The following TMEM232 variants were observed in gnomAD, a reference collection of about 807,000 sequenced individuals.
TMEM232 encodes transmembrane protein 232.
Under a neutral mutation model 78.8 loss-of-function variants are expected in TMEM232, and 80 were observed. The ratio of observed to expected loss-of-function variants is 1.01; its 90% CI spans 0.85 to 1.22. The LOEUF (loss-of-function observed/expected upper bound fraction) is 1.22. Ranked by LOEUF, TMEM232 falls within the 50% of genes most tolerant of loss-of-function variation. The pLI is 0.00. For missense variants in TMEM232, 881 were observed against 742.2 expected, an observed-to-expected ratio of 1.19 and a Z score of -2.17; for synonymous variants, 297 against 254.3, an observed-to-expected ratio of 1.17 and a Z score of -1.60.
chr5:110,600,011 C>T (rs1040071718), intron 10 of TMEM232, among the ~76,000 whole-genome samples: 5 of 152,156 alleles, frequency 3.3e-5, no homozygotes, highest in Non-Finnish European at 7.3e-5. Flanking sequence ...AAGAAACTCA[C>T]TGAAAACCAC....
chr5:110,523,984 G>GC (rs1769979693), intron 12 of TMEM232, among the ~76,000 whole-genome samples: 1 of 82,948 alleles, frequency 1.2e-5, no homozygotes, highest in South Asian at 4.9e-4. Flanking sequence ...GGGCGGGGGG[G>GC]CTGGGCCTGG....
chr5:110,569,234 T>G (rs937337677), intron 10 of TMEM232, among the ~76,000 whole-genome samples: 2 of 151,908 alleles, frequency 1.3e-5, no homozygotes, highest in Admixed American at 6.6e-5. Flanking sequence ...AGAACTTATA[T>G]AGCAATTAGC....
chr5:110,423,758 C>T (rs371424178), intron 13 of TMEM232, among the ~76,000 whole-genome samples: 11 of 149,914 alleles, frequency 7.3e-5, no homozygotes, highest in African/African-American at 2.7e-4. Context: ...CCTAGACAGA[C>T]CAAAGTAGTT....
intron 1 of TMEM232, among the ~76,000 whole-genome samples, chr5:110,723,148 C>T (rs985788285): frequency 2.6e-5 from 4 of 152,080 alleles, no homozygotes; most frequent in African/African-American, 9.7e-5. Flanking sequence ...CTGGTACTTT[C>T]TGTTTTGGAA....
rs1385016907 is a variant in TMEM232 at position 110,613,983 on chromosome 5, TTTTG to T, written c.902+4442_902+4445del. On this transcript the variant is annotated intron_variant, in intron 8 of 13. Coordinates refer to ENST00000455884, the MANE Select transcript of TMEM232 (RefSeq NM_001039763.4). ...AAATTATTCTTTTAATGTCAATAGTTTTTGTTTGCTAGAGCCAACTAATCTTTTT... is the reference window on the plus strand; with the variant it reads ...AAATTATTCTTTTAATGTCAATAGTTTTTGCTAGAGCCAACTAATCTTTTT... 2.0e-5 allele frequency among the ~76,000 whole-genome samples: 3 copies of T among 152,076 alleles called. No individual in the cohort carries two copies. The East Asian group carries it at 5.8e-4, about 29-fold the overall frequency.
At chr5:110,622,410 T>C (rs1039129994) in intron 7 of TMEM232, among the ~76,000 whole-genome samples, 1 of 152,206 alleles carries the variant, frequency 6.6e-6, no homozygotes, top group African/African-American at 2.4e-5. Context: ...AAAGAACTAT[T>C]ATTACTACCA....
intron 2 of TMEM232, among the ~76,000 whole-genome samples, chr5:110,408,869 C>T (rs181776851): frequency 7.2e-5 from 11 of 152,256 alleles, no homozygotes; most frequent in Admixed American, 3.3e-4. Flanking sequence ...TAGCCCACCA[C>T]TCATCACAGG....
intron 2 of TMEM232, among the ~76,000 whole-genome samples, chr5:110,398,123 T>A (rs1402586640): frequency 6.6e-6 from 1 of 152,130 alleles, no homozygotes; most frequent in African/African-American, 2.4e-5. Flanking sequence ...CATCTCTCCC[T>A]TTTTATCTAC....
intron 12 of TMEM232, among the ~76,000 whole-genome samples, chr5:110,499,880 C>T (rs968426433): frequency 3.3e-5 from 5 of 152,120 alleles, no homozygotes; most frequent in African/African-American, 1.2e-4. Context: ...ATTATACTAT[C>T]AACTACTTTG....
intron 12 of TMEM232, among the ~76,000 whole-genome samples, chr5:110,440,301 T>G (rs189748881): frequency 6.6e-6 from 1 of 152,326 alleles, no homozygotes; most frequent in East Asian, 1.9e-4. Context: ...CTAAGCCTGC[T>G]GTGTTGCCAT....
At chr5:110,415,457 G>A, downstream of TMEM232, among the ~76,000 whole-genome samples, 1 of 151,380 alleles carries the variant, frequency 6.6e-6, no homozygotes, top group East Asian at 2.0e-4. Flanking sequence ...CAAGTGCTGG[G>A]ATTACAGGCC....
intron 6 of TMEM232, among the ~76,000 whole-genome samples, chr5:110,626,565 A>C (rs1784451652): frequency 6.6e-6 from 1 of 151,962 alleles, no homozygotes; most frequent in African/African-American, 2.4e-5. Context: ...CAACATATTA[A>C]TATTTTGACT....
intron 2 of TMEM232, among the ~76,000 whole-genome samples, chr5:110,411,579 A>G (rs1427060496): frequency 6.6e-6 from 1 of 152,180 alleles, no homozygotes; most frequent in African/African-American, 2.4e-5. Context: ...TAAAACTAAA[A>G]CATTAAAAAA....
intron 12 of TMEM232, among the ~76,000 whole-genome samples, chr5:110,487,508 T>C (rs1449673707): frequency 6.6e-6 from 1 of 152,110 alleles, no homozygotes; most frequent in East Asian, 1.9e-4. Flanking sequence ...TGCTGAGAGT[T>C]TTCATTGGAA....
At chr5:110,713,667 T>C (rs1218291233) in intron 1 of TMEM232, among the ~76,000 whole-genome samples, 1 of 152,034 alleles carries the variant, frequency 6.6e-6, no homozygotes, top group Non-Finnish European at 1.5e-5. Flanking sequence ...TAACAAAAAC[T>C]TGGCCTATAA....
intron 12 of TMEM232, among the ~76,000 whole-genome samples, chr5:110,468,977 A>G (rs1207294267): frequency 1.3e-5 from 2 of 152,202 alleles, no homozygotes; most frequent in African/African-American, 4.8e-5. Flanking sequence ...TCCCTAAACC[A>G]GAATAAGCTT....
chr5:110,435,922 G>C (rs1004270685), intron 12 of TMEM232, among the ~76,000 whole-genome samples: 1 of 151,956 alleles, frequency 6.6e-6, no homozygotes, highest in African/African-American at 2.4e-5. Context: ...ACAAATATTG[G>C]AGTGTAGATA....
At chr5:110,531,533 C>A (rs576528816) in intron 11 of TMEM232, among the ~76,000 whole-genome samples, 1 of 152,164 alleles carries the variant, frequency 6.6e-6, no homozygotes, top group Non-Finnish European at 1.5e-5. Flanking sequence ...CAATCTCTTT[C>A]GCCTTTCAAT....
At chr5:110,728,714 C>CTA (rs147131343), upstream of TMEM232, among the ~76,000 whole-genome samples, 12,857 of 149,352 alleles carry the variant, frequency 0.086, 572 homozygotes, top group Admixed American at 0.12. Flanking sequence ...ATATATATAC[C>CTA]TATATATATA....
Sources: allele counts gnomAD v4.1 joint callset (sites outside exome capture counted in the v4.1 genomes callset), GRCh38; gene constraint gnomAD v4.1.1; transcripts MANE v1.5; gene names NCBI Gene and HGNC (gene_info 2026-07-23, HGNC 2026-07-21).